The following CDH12 variants were observed in gnomAD, a reference collection of about 807,000 sequenced individuals.
CDH12 encodes cadherin 12, also known as cadherin-12.
Under a neutral mutation model 74.1 loss-of-function variants are expected in CDH12, and 41 were observed. The ratio of observed to expected loss-of-function variants is 0.55; its 90% CI spans 0.43 to 0.72. CDH12 has a LOEUF of 0.72. Among genes scored for constraint, CDH12 ranks in the 30% least tolerant of loss-of-function variants. The probability of loss-of-function intolerance (pLI) is 0.00; values close to 1 mark genes in which losing one functional copy is unlikely to be tolerated. For missense variants in CDH12, 945 were observed against 977.2 expected (o/e 0.97, Z 0.44); for synonymous variants, 399 against 355.0 (o/e 1.12, Z -1.39).
intron 6 of CDH12, among the ~76,000 whole-genome samples, chr5:21,904,080 TTCTC>T (rs2042669659): frequency 6.6e-6 from 1 of 152,184 alleles, no homozygotes; most frequent in Non-Finnish European, 1.5e-5. Context: ...TCTCTTCTCT[TTCTC>T]TATTAGGCAA....
intron 5 of CDH12, among the ~76,000 whole-genome samples, chr5:21,998,423 A>G (rs1736421583): frequency 6.6e-6 from 1 of 152,110 alleles, no homozygotes; most frequent in South Asian, 2.1e-4. Context: ...AGTTTTATCT[A>G]TTAGCATAAT....
At chr5:22,150,781 T>A (rs1315165348) in intron 4 of CDH12, among the ~76,000 whole-genome samples, 1 of 152,166 alleles carries the variant, frequency 6.6e-6, no homozygotes, top group Non-Finnish European at 1.5e-5. Context: ...ATACCTTTAC[T>A]AGTACCTTTG....
intron 4 of CDH12, among the ~76,000 whole-genome samples, chr5:22,101,256 TA>T (rs1744123213): frequency 6.6e-6 from 1 of 152,114 alleles, no homozygotes; most frequent in South Asian, 2.1e-4. Flanking sequence ...ATACAGATAT[TA>T]AAAATGAGGT....
At chr5:22,296,251 C>A (rs377200354) in intron 3 of CDH12, among the ~76,000 whole-genome samples, 1 of 151,956 alleles carries the variant, frequency 6.6e-6, no homozygotes, top group African/African-American at 2.4e-5. Flanking sequence ...ACTTATAAGA[C>A]TACAGGGCAC....
chr5:22,653,461 A>G (rs1456820898), intron 1 of CDH12, among the ~76,000 whole-genome samples: 1 of 152,132 alleles, frequency 6.6e-6, no homozygotes, highest in Admixed American at 6.5e-5. Flanking sequence ...AAAGGAAAAA[A>G]AAAAAACAGA....
chr5:22,783,402 G>A (rs1009529249), intron 1 of CDH12, among the ~76,000 whole-genome samples: 1 of 151,994 alleles, frequency 6.6e-6, no homozygotes, highest in African/African-American at 2.4e-5. Flanking sequence ...GGCTCACACT[G>A]GCTTTAATAA....
chr5:22,686,821 G>A (rs1309240229), intron 1 of CDH12, among the ~76,000 whole-genome samples: 4 of 152,104 alleles, frequency 2.6e-5, no homozygotes, highest in African/African-American at 9.7e-5. Context: ...ATCTCTACAG[G>A]TTATCATAAC....
chr5:22,752,806 C>A (rs928200782), intron 1 of CDH12, among the ~76,000 whole-genome samples: 1 of 151,420 alleles, frequency 6.6e-6, no homozygotes, highest in Non-Finnish European at 1.5e-5. Context: ...GATCTCCTGA[C>A]CTCGTGATCC....
chr5:22,496,823 T>G (rs1747121432), intron 2 of CDH12, among the ~76,000 whole-genome samples: 1 of 152,222 alleles, frequency 6.6e-6, no homozygotes, highest in Non-Finnish European at 1.5e-5. Context: ...TTGCTCTTTT[T>G]ATTTTTCTTC....
At chr5:22,104,020 C>A (rs1300639150) in intron 4 of CDH12, among the ~76,000 whole-genome samples, 2 of 152,032 alleles carry the variant, frequency 1.3e-5, no homozygotes, top group Admixed American at 1.3e-4. Flanking sequence ...TGAAATTAAA[C>A]AAAGCAACAG....
intron 3 of CDH12, among the ~76,000 whole-genome samples, chr5:22,265,621 G>A (rs908373417): frequency 1.3e-5 from 2 of 152,076 alleles, no homozygotes; most frequent in African/African-American, 4.8e-5. Flanking sequence ...GTCATCAGTT[G>A]TAGATAAGAA....
At chr5:21,764,534 AGCTACT>A (rs1324595730) in intron 12 of CDH12, among the ~76,000 whole-genome samples, 1 of 151,710 alleles carries the variant, frequency 6.6e-6, no homozygotes, top group Non-Finnish European at 1.5e-5. Flanking sequence ...CTATAATCCC[AGCTACT>A]TGGGAGGCTG....
intron 3 of CDH12, among the ~76,000 whole-genome samples, chr5:22,368,352 G>T (rs189285649): frequency 2.0e-5 from 3 of 152,104 alleles, no homozygotes; most frequent in Non-Finnish European, 2.9e-5. Context: ...AGACTGGAGT[G>T]CAGTGATACA....
At chr5:21,849,491 A>C (rs1750351828) in intron 7 of CDH12, among the ~76,000 whole-genome samples, 1 of 151,790 alleles carries the variant, frequency 6.6e-6, no homozygotes, top group Non-Finnish European at 1.5e-5. Context: ...TTATCTTAAT[A>C]ATTATTTATT....
chr5:22,292,988 TTGTAACCCACATCCATTCCCAATC>T (rs143387946), intron 3 of CDH12, among the ~76,000 whole-genome samples: 64,761 of 151,238 alleles, frequency 0.43, 14,758 homozygotes, highest in Admixed American at 0.53. Flanking sequence ...TGTTCCCAAC[TTGTAACCCACATCCATTCCCAATC>T]TGTAACCCAC....
At chr5:22,180,803 T>G (rs2150337437) in intron 4 of CDH12, among the ~76,000 whole-genome samples, 1 of 152,088 alleles carries the variant, frequency 6.6e-6, no homozygotes, top group Admixed American at 6.6e-5. Context: ...GCCCAGCCAG[T>G]TTTTGAATTT....
chr5:22,536,823 A>T (rs1170755645), intron 1 of CDH12, among the ~76,000 whole-genome samples: 4 of 152,198 alleles, frequency 2.6e-5, no homozygotes, highest in African/African-American at 9.6e-5. Context: ...ACACATTTCA[A>T]TGCTTAGCTC....
chr5:22,405,193 G>C, intron 3 of CDH12, 64 bp downstream of exon 3: 2 of 366,172 alleles, frequency 5.5e-6, no homozygotes, highest in Non-Finnish European at 7.6e-6. Context: ...CTGGGTGAAA[G>C]AGTGAAACTG....
At chr5:22,229,856 T>C (rs879315682) in intron 3 of CDH12, among the ~76,000 whole-genome samples, 6 of 151,720 alleles carry the variant, frequency 4.0e-5, no homozygotes, top group Admixed American at 1.3e-4. Context: ...CCTTTTCTAA[T>C]TGATACACAC....
Sources: allele counts gnomAD v4.1 joint callset (sites outside exome capture counted in the v4.1 genomes callset), GRCh38; gene constraint gnomAD v4.1.1; transcripts MANE v1.5; gene names NCBI Gene and HGNC (gene_info 2026-07-23, HGNC 2026-07-21).